The following EYS variants were observed in gnomAD, a reference collection of about 807,000 sequenced individuals.
EYS encodes the protein EGF-like photoreceptor maintenance factor, also known as protein eyes shut homolog.
Under a neutral mutation model 282.1 loss-of-function variants are expected in EYS, and 250 were observed. That is an observed-to-expected ratio of 0.89 (90% confidence interval 0.80 to 0.98). The LOEUF (loss-of-function observed/expected upper bound fraction) is 0.98. Ranked by LOEUF, EYS falls within the 50% of genes least tolerant of loss-of-function variation. The pLI is 0.00. For synonymous variants in EYS, 1,355 were observed against 1,282.9 expected, an observed-to-expected ratio of 1.06 and a Z score of -1.20; for missense variants, 4,016 against 3,709.0, an observed-to-expected ratio of 1.08 and a Z score of -2.15.
intron 35 of EYS, among the ~76,000 whole-genome samples, chr6:63,933,325 G>A (rs1764954811): frequency 6.6e-6 from 1 of 152,092 alleles, no homozygotes; most frequent in Non-Finnish European, 1.5e-5. Context: ...CTCCACCTCA[G>A]CCCCCTGAGT....
intron 1 of EYS, among the ~76,000 whole-genome samples, chr6:65,687,775 T>C (rs1769084326): frequency 6.6e-6 from 1 of 152,120 alleles, no homozygotes; most frequent in African/African-American, 2.4e-5. Context: ...ACAAGCATTC[T>C]TATACACCAA....
intron 18 of EYS, among the ~76,000 whole-genome samples, chr6:64,890,045 G>GC (rs34002004): frequency 0.034 from 4,812 of 140,194 alleles, 155 homozygotes; most frequent in Middle Eastern, 0.043. Flanking sequence ...GCCTATAAAT[G>GC]CCCCCCCCCC....
At chr6:64,012,865 A>G (rs1404360692) in intron 33 of EYS, among the ~76,000 whole-genome samples, 1 of 152,202 alleles carries the variant, frequency 6.6e-6, no homozygotes, top group African/African-American at 2.4e-5. Flanking sequence ...TTTAAAAAGC[A>G]TCCTGTTTTT....
intron 1 of EYS, among the ~76,000 whole-genome samples, chr6:65,694,194 G>A (rs1472876866): frequency 2.0e-5 from 3 of 150,168 alleles, no homozygotes; most frequent in Admixed American, 6.7e-5. Context: ...GGAAGCAGAG[G>A]TTGTGGTGAG....
intron 28 of EYS, among the ~76,000 whole-genome samples, chr6:64,399,685 A>T (rs1773484723): frequency 6.6e-6 from 1 of 151,872 alleles, no homozygotes; most frequent in South Asian, 2.1e-4. Flanking sequence ...CCTTGAAATA[A>T]TTTTTTTAAT....
At chr6:65,628,544 G>A (rs920572174) in intron 2 of EYS, among the ~76,000 whole-genome samples, 4 of 152,106 alleles carry the variant, frequency 2.6e-5, no homozygotes, top group African/African-American at 4.8e-5. Context: ...TTGGGTCCAC[G>A]CTGCTTTTAT....
At chr6:64,692,608 C>T (rs1770428719) in intron 22 of EYS, among the ~76,000 whole-genome samples, 1 of 152,088 alleles carries the variant, frequency 6.6e-6, no homozygotes, top group Admixed American at 6.6e-5. Flanking sequence ...TGAGGTCTTA[C>T]ATTGAAATAA....
chr6:64,222,990 C>T (rs9351198), intron 31 of EYS, among the ~76,000 whole-genome samples: 47,566 of 151,782 alleles, frequency 0.31, 7,450 homozygotes, highest in East Asian at 0.5. Context: ...ATGTTCATGA[C>T]AGCATACTAT....
At chr6:64,989,162 G>A (rs985319035) in intron 14 of EYS, among the ~76,000 whole-genome samples, 1 of 150,866 alleles carries the variant, frequency 6.6e-6, no homozygotes, top group Non-Finnish European at 1.5e-5. Flanking sequence ...AAAATTAACT[G>A]ACTGAGGCTT....
chr6:64,223,384 G>T lies in EYS; in HGVS notation c.6424+7208C>A, dbSNP rs11965070. The stretch of plus-strand genomic sequence containing the variant: ...AGTTTCTATACCTAGAGTAAAATGC[G>T]TATCCTCTAGAGATAATTTGGTACA... On this transcript the variant is annotated intron_variant, in intron 31 of 42. Coordinates refer to ENST00000503581, the MANE Select transcript of EYS (RefSeq NM_001142800.2). 4.8e-3 allele frequency among the ~76,000 whole-genome samples: 727 copies of T among 152,028 alleles called. 5 individuals carry two copies. Among genetic ancestry groups the T allele is most frequent in the African/African-American group, 0.016 (672 of 41,510 alleles).
At chr6:64,219,157 T>A (rs1321135487) in intron 31 of EYS, among the ~76,000 whole-genome samples, 1 of 152,196 alleles carries the variant, frequency 6.6e-6, no homozygotes, top group Non-Finnish European at 1.5e-5. Context: ...TTGATGCTTT[T>A]CCTGATTTCT....
intron 26 of EYS, among the ~76,000 whole-genome samples, chr6:64,470,260 G>A (rs568534610): frequency 6.6e-6 from 1 of 151,986 alleles, no homozygotes; most frequent in African/African-American, 2.4e-5. Context: ...GACCCTGTGG[G>A]GCTGGACCCT....
chr6:64,284,862 GCAA>G (rs1354481375), intron 30 of EYS, among the ~76,000 whole-genome samples: 1 of 152,120 alleles, frequency 6.6e-6, no homozygotes, highest in Non-Finnish European at 1.5e-5. Flanking sequence ...GGGATGCAGG[GCAA>G]CAAGTCCCTA....
At chr6:63,996,376 A>G (rs1269519267) in intron 34 of EYS, among the ~76,000 whole-genome samples, 2 of 152,212 alleles carry the variant, frequency 1.3e-5, no homozygotes, top group East Asian at 1.9e-4. Context: ...AGTTCTAGAG[A>G]TCTGTTCCAT....
chr6:65,098,974 A>T (rs1581908861), intron 12 of EYS, among the ~76,000 whole-genome samples: 1 of 150,838 alleles, frequency 6.6e-6, no homozygotes, highest in Admixed American at 6.6e-5. Context: ...TTGCAGAAAC[A>T]CCATCAAGCT....
chr6:65,456,677 C>T (rs1372056067), intron 5 of EYS, among the ~76,000 whole-genome samples: 1 of 151,620 alleles, frequency 6.6e-6, no homozygotes, highest in African/African-American at 2.4e-5. Context: ...AATTTTAATA[C>T]ATGCATAAAA....
intron 36 of EYS, among the ~76,000 whole-genome samples, chr6:63,832,270 A>G (rs1351755841): frequency 6.6e-6 from 1 of 152,182 alleles, no homozygotes; most frequent in Non-Finnish European, 1.5e-5. Flanking sequence ...AAATCAATGA[A>G]TCCAGGAGCT....
In EYS at chr6:65,240,673, C is replaced by T. The variant is rs569142785; in HGVS notation, c.2023+55190G>A. On this transcript the variant is annotated intron_variant, in intron 12 of 42. Coordinates refer to ENST00000503581, the MANE Select transcript of EYS (RefSeq NM_001142800.2). ...GGTATATATCACCACATTTTTTTAT[C>T]CAGTCTACCATTAATGGGTATCTAG... Among the ~76,000 whole-genome samples the T allele has an allele frequency of 2.6e-5, 4 of 152,154 alleles. No individual in the cohort carries two copies. In the East Asian group the frequency reaches 7.7e-4, roughly 29 times the overall value.
intron 35 of EYS, among the ~76,000 whole-genome samples, chr6:63,930,561 T>C (rs1213963605): frequency 6.6e-6 from 1 of 152,158 alleles, no homozygotes; most frequent in African/African-American, 2.4e-5. Flanking sequence ...TTTCAAATCA[T>C]TGTTTTTTTA....
Sources: allele counts gnomAD v4.1 joint callset (sites outside exome capture counted in the v4.1 genomes callset), GRCh38; gene constraint gnomAD v4.1.1; transcripts MANE v1.5; gene names NCBI Gene and HGNC (gene_info 2026-07-23, HGNC 2026-07-21).